PHYKPL: variants seen among roughly 807,000 people sequenced by gnomAD.
PHYKPL encodes 5-phosphonooxy-L-lysine phospho-lyase.
Under a neutral mutation model 51.3 loss-of-function variants are expected in PHYKPL, and 42 were observed. That is an observed-to-expected ratio of 0.82 (90% CI 0.64 to 1.06). The LOEUF (loss-of-function observed/expected upper bound fraction) is 1.06, where lower values mean the gene tolerates loss of function less well. Among genes scored for constraint, PHYKPL ranks in the 50% least tolerant of loss-of-function variants. The probability of loss-of-function intolerance (pLI) is 0.00; values close to 1 mark genes in which losing one functional copy is unlikely to be tolerated. For synonymous variants in PHYKPL, 264 were observed against 236.0 expected, an observed-to-expected ratio of 1.12 and a Z score of -1.09; for missense variants, 655 against 586.6, an observed-to-expected ratio of 1.12 and a Z score of -1.20.
At chr5:178,213,214 G>A in intron 10 of PHYKPL, 111 bp from the exon 11 acceptor site, 1 of 1,412,272 alleles carries the variant, frequency 7.1e-7, no homozygotes, top group Non-Finnish European at 9.6e-7. Flanking sequence ...CCATGGGCCA[G>A]TTCCTGCCAG....
At chr5:178,209,541 G>A (rs1757530182) in intron 12 of PHYKPL, 1 of 1,073,074 alleles carries the variant, frequency 9.3e-7, no homozygotes, top group Non-Finnish European at 1.4e-6. Context: ...CTGTGCAGCA[G>A]GGGTGGGCAG....
intron 3 of PHYKPL, among the ~76,000 whole-genome samples, chr5:178,227,303 T>C (rs1429958741): frequency 1.3e-5 from 2 of 152,154 alleles, no homozygotes; most frequent in Non-Finnish European, 2.9e-5. Flanking sequence ...AGAGAGGCCT[T>C]AGAAGAAACC....
At chr5:178,227,033 C>A (rs978185685) in intron 3 of PHYKPL, among the ~76,000 whole-genome samples, 5 of 152,070 alleles carry the variant, frequency 3.3e-5, no homozygotes, top group Non-Finnish European at 7.4e-5. Context: ...GGAGAGCGAG[C>A]CAGAGGGGGC....
chr5:178,207,853 C>T (rs896147551), downstream of PHYKPL, among the ~76,000 whole-genome samples: 1 of 152,002 alleles, frequency 6.6e-6, no homozygotes, highest in Non-Finnish European at 1.5e-5. Flanking sequence ...CAGGCATGTA[C>T]CACCATGCCT....
chr5:178,209,327 T>C (rs1303604891), intron 12 of PHYKPL: 10 of 1,613,754 alleles, frequency 6.2e-6, no homozygotes, highest in African/African-American at 4.0e-5. Flanking sequence ...TCTTGACTTT[T>C]AGTGTGAGAT....
At position 178,213,104 on chromosome 5, in the gene PHYKPL, C is replaced by T; in HGVS notation, c.1173-1G>A. On this transcript the variant is annotated splice_acceptor_variant, in intron 10 of 12. Transcript: ENST00000308158. LOFTEE classifies it high-confidence loss of function. ...CAGCAAAACGTAGTTCTCCTTCAGC[C>T]TGTGAGGACAGGACACCCCTTCACA... is the stretch of plus-strand genomic sequence containing the variant. 1.9e-6 allele frequency: 3 copies of T among 1,613,962 alleles called. No homozygotes were observed. Among genetic ancestry groups the T allele is most frequent in the East Asian group, 2.2e-5 (1 of 44,894 alleles).
intron 3 of PHYKPL, chr5:178,228,727 A>G: frequency 1.5e-6 from 1 of 660,664 alleles, no homozygotes; most frequent in Non-Finnish European, 2.8e-6. Context: ...TCTCTCCCAG[A>G]TACACTGTAA....
chr5:178,229,930 G>C lies in PHYKPL; in HGVS notation c.338+10C>G, dbSNP rs1320244744. ...ACCCTCTTCCCGGGGGCTGGCCACA[G>C]TCCACTTACCCAGAATTCAGGAAAT... On this transcript the variant is annotated intron_variant, in intron 3 of 12. Transcript: ENST00000308158. 5 of 1,611,902 alleles carry C rather than the reference G, an allele frequency of 3.1e-6. No homozygotes were observed.
intron 12 of PHYKPL, chr5:178,209,557 G>T: frequency 1.1e-6 from 1 of 920,050 alleles, no homozygotes; most frequent in Non-Finnish European, 1.7e-6. Context: ...GGCAGATTGT[G>T]TGAGGTTGGG....
chr5:178,213,048 T>G lies in PHYKPL; in HGVS notation c.1228A>C (p.Lys410Gln), dbSNP rs1211306817. ...STDGPGRNIL[K>Q]FKPPMCFSLD... is the part of the protein sequence containing the mutation. ...CTGAAGCACATTGGGGGCTTAAACTTCAGGATGTTCCTCCCAGGGCCATCA... is the reference window on the plus strand; with the variant it reads ...CTGAAGCACATTGGGGGCTTAAACTGCAGGATGTTCCTCCCAGGGCCATCA... Residue 410 changes from lysine (K) to glutamine (Q), a missense_variant, in exon 11 of 13, where the codon AAG becomes CAG. Transcript: ENST00000308158. The G allele has an allele frequency of 6.2e-7, 1 of 1,614,204 alleles. No individual in the cohort carries two copies. The highest frequency in any genetic ancestry group is 8.5e-7 in the Non-Finnish European group (1 of 1,180,018).
At chr5:178,221,632 GCT>G (rs1372980356) in intron 8 of PHYKPL, among the ~76,000 whole-genome samples, 1 of 152,070 alleles carries the variant, frequency 6.6e-6, no homozygotes, top group Non-Finnish European at 1.5e-5. Context: ...ATTCAAACTG[GCT>G]CTTTTTGAGG....
Position 178,214,903 on chromosome 5 carries a change from G to A in PHYKPL, c.1083-18C>T, listed in dbSNP as rs79178172. The stretch of plus-strand genomic sequence containing the variant: ...CAACACCCCTGCAAGGGAAGGTGAC[G>A]ACATCTCAGGAGGCCAGGCCTGAGG... On this transcript the variant is annotated intron_variant, in intron 9 of 12. Transcript: ENST00000308158. 2.3e-3 allele frequency: 3,726 copies of A among 1,611,360 alleles called. 79 individuals are homozygous for A. In the African/African-American group the frequency reaches 0.044, roughly 19 times the overall value.
intron 3 of PHYKPL, among the ~76,000 whole-genome samples, chr5:178,227,147 GA>G (rs1390797293): frequency 6.6e-6 from 1 of 151,774 alleles, no homozygotes. Flanking sequence ...ATGGAGATAA[GA>G]GAGGTGATTA....
chr5:178,230,120 T>C, intron 2 of PHYKPL, 21 bp from the exon 3 acceptor site: 1 of 1,612,188 alleles, frequency 6.2e-7, no homozygotes, highest in South Asian at 1.1e-5. Context: ...GCCGCCTCCG[T>C]CACACGGCTG....
At chr5:178,207,762 A>G (rs1052151195), downstream of PHYKPL, among the ~76,000 whole-genome samples, 1 of 144,918 alleles carries the variant, frequency 6.9e-6, no homozygotes, top group African/African-American at 2.6e-5. Flanking sequence ...GGGTGCGGTA[A>G]CACAATCATG....
At chr5:178,224,901 C>G in intron 4 of PHYKPL, 172 bp from the exon 5 acceptor site, 1 of 590,802 alleles carries the variant, frequency 1.7e-6, no homozygotes, top group Non-Finnish European at 3.0e-6. Context: ...AGCAACAATT[C>G]TTGCAAGACT....
At chr5:178,210,291 G>C in intron 12 of PHYKPL, 1 of 1,614,040 alleles carries the variant, frequency 6.2e-7, no homozygotes. Flanking sequence ...GAGAGAGGGA[G>C]GCCCCATCCG....
chr5:178,212,947 T>TG (rs1437320848), intron 11 of PHYKPL, 26 bp downstream of exon 11: 8 of 1,612,700 alleles, frequency 5.0e-6, no homozygotes, highest in Non-Finnish European at 5.9e-6. Flanking sequence ...TCTAGAGATA[T>TG]GGCCAAGCTC....
chr5:178,221,988 C>T (rs977369844), intron 8 of PHYKPL, among the ~76,000 whole-genome samples: 1 of 152,216 alleles, frequency 6.6e-6, no homozygotes, highest in African/African-American at 2.4e-5. Context: ...GCGAACTCTG[C>T]TCTGAGATCA....
Sources: gnomAD v4.1 joint callset for allele counts (sites outside exome capture counted in the v4.1 genomes callset) on GRCh38, gnomAD v4.1.1 for gene constraint, MANE v1.5 for transcripts, NCBI Gene and HGNC (gene_info 2026-07-23, HGNC 2026-07-21) for gene names.